Variants in SLC6A4 observed in about 807,000 individuals in gnomAD.
The protein encoded by SLC6A4 is solute carrier family 6 member 4, also known as sodium-dependent serotonin transporter.
SLC6A4 carries 22 observed loss-of-function variants against 73.4 expected under a neutral mutation model. The ratio of observed to expected loss-of-function variants is 0.30; its 90% CI spans 0.21 to 0.43. The LOEUF is 0.43. SLC6A4 is among the 20% of genes least tolerant of loss of function. SLC6A4 has a pLI of 1.00. For missense variants in SLC6A4, 593 were observed against 808.5 expected (o/e 0.73, Z 3.23); for synonymous variants, 270 against 315.5 (o/e 0.86, Z 1.53).
intron 14 of SLC6A4, 37 bp from the exon 15 acceptor site, chr17:30,198,567 G>A (rs199829838): frequency 8.0e-7 from 1 of 1,242,452 alleles, no homozygotes. Context: ...AAACATCCTT[G>A]TAATTTTTAA....
chr17:30,221,906 C>G lies in SLC6A4; in HGVS notation c.53G>C (p.Gly18Ala). 1 of 1,614,158 alleles carries G rather than the reference C, an allele frequency of 6.2e-7. No homozygotes were observed. The change falls in exon 3 of 15, where the codon GGA becomes GCA. Residue 18 changes from glycine to alanine, a missense_variant. Gly to Ala is a moderately conservative substitution (Grantham distance 60). Transcript: ENST00000650711. ...AACTCCGTTTTCCTGACAATCTTCTCCATCTTCACACGCTGATAGCTGCTT... is the reference window on the plus strand; with the variant it reads ...AACTCCGTTTTCCTGACAATCTTCTGCATCTTCACACGCTGATAGCTGCTT... Reference protein sequence around the residue: ...SQKQLSACEDGEDCQENGVLQ... With the variant: ...SQKQLSACEDAEDCQENGVLQ...
rs35886704 is a variant in SLC6A4, at chr17:30,216,331, G to A, written c.838-115C>T. 1.6e-3 allele frequency: 911 copies of A among 573,286 alleles called. 8 individuals carry two copies. The highest frequency in any genetic ancestry group is 0.016 in the African/African-American group (831 of 52,544). The allele number at this position is 573,286 out of a possible 1,614,324, so 35.5% of individuals were successfully genotyped here. A position where few individuals can be genotyped will look rare whatever the true frequency, so the allele number is the denominator to read the frequency against. ...AGGGGAGGGAGGTGGGTGAATGGAT[G>A]TCAGTGTCTTTTATTCTTGAAGACC... On this transcript the variant is annotated intron_variant, in intron 6 of 14. Coordinates refer to ENST00000650711, the MANE Select transcript of SLC6A4 (RefSeq NM_001045.6).
intron 14 of SLC6A4, 144 bp downstream of exon 14, chr17:30,203,028 T>C: frequency 3.2e-6 from 2 of 615,822 alleles, no homozygotes; most frequent in Admixed American, 5.8e-5. Context: ...TTAGAGGTCT[T>C]CGCCATGGCA....
At chr17:30,207,347 A>G (rs1906239336) in intron 13 of SLC6A4, among the ~76,000 whole-genome samples, 1 of 152,134 alleles carries the variant, frequency 6.6e-6, no homozygotes, top group South Asian at 2.1e-4. Context: ...TACACTTACG[A>G]GCTGTATATT....
chr17:30,222,717 G>C, intron 2 of SLC6A4, 102 bp downstream of exon 2: 1 of 1,057,504 alleles, frequency 9.5e-7, no homozygotes, highest in Non-Finnish European at 1.3e-6. Context: ...GGGCAGATTT[G>C]AGCTGCCTCC....
chr17:30,223,772 A>C (rs1261307539), intron 1 of SLC6A4, among the ~76,000 whole-genome samples: 7 of 152,068 alleles, frequency 4.6e-5, no homozygotes, highest in African/African-American at 1.7e-4. Flanking sequence ...ACCACTCAGA[A>C]GGATATGAAT....
chr17:30,228,079 A>T (rs574555365), intron 1 of SLC6A4, among the ~76,000 whole-genome samples: 1 of 152,332 alleles, frequency 6.6e-6, no homozygotes, highest in African/African-American at 2.4e-5. Flanking sequence ...CAGTGAATAT[A>T]AACAGCCAAG....
At position 30,203,208 on chromosome 17, in the gene SLC6A4, A is replaced by G. The variant is rs199601052; in HGVS notation, c.1782T>C (p.Ala594=). 66 of 1,613,920 alleles carry G rather than the reference A, an allele frequency of 4.1e-5. 1 individual carries two copies. The highest frequency in any genetic ancestry group is 5.5e-5 in the Non-Finnish European group (65 of 1,179,876). The change falls in exon 14 of 15, where the codon GCT becomes GCC. Residue 594 remains alanine (A), a synonymous_variant. Coordinates refer to ENST00000650711, the MANE Select transcript of SLC6A4 (RefSeq NM_001045.6). The part of the protein sequence containing the change: ...SSFICIPTYI[A]YRLIITPGTF... ...TCCCTGGAGTGATGATCAACCGATA[A>G]GCTATATATGTGGGGATGCAAATGA...
intron 3 of SLC6A4, among the ~76,000 whole-genome samples, chr17:30,220,518 G>A (rs1316908182): frequency 6.6e-6 from 1 of 152,224 alleles, no homozygotes; most frequent in African/African-American, 2.4e-5. Context: ...GAGGAGATAG[G>A]AGGGCCAGCC....
chr17:30,222,703 G>T (rs1400815192), intron 2 of SLC6A4, 116 bp downstream of exon 2: 17 of 888,940 alleles, frequency 1.9e-5, no homozygotes, highest in Non-Finnish European at 2.8e-5. Context: ...CCCTAGGAAG[G>T]TTGGGGCAGA....
At chr17:30,221,284 A>G (rs2143015437) in intron 3 of SLC6A4, among the ~76,000 whole-genome samples, 1 of 151,834 alleles carries the variant, frequency 6.6e-6, no homozygotes, top group East Asian at 1.9e-4. Flanking sequence ...GCGAGATTTG[A>G]CTTTTCTACC....
rs1907236388 is a variant in SLC6A4, at chr17:30,235,346, A to C, written c.-221+267T>G. Among the ~76,000 whole-genome samples, 1 of 152,198 alleles carries C rather than the reference A, an allele frequency of 6.6e-6. No individual in the cohort carries two copies. The highest frequency in any genetic ancestry group is 1.5e-5 in the Non-Finnish European group (1 of 68,022). ...CCTCAAGAGGTTGCAAAGCCCCTGC[A>C]ACAATAGACAAAGGAGCCCCCTACG... On this transcript the variant is annotated intron_variant, in intron 1 of 14. Coordinates refer to ENST00000650711, the MANE Select transcript of SLC6A4 (RefSeq NM_001045.6). This position sits in a 1 kb window ranked among gnomAD's most constrained non-coding sequence, Gnocchi z 4.5.
chr17:30,206,203 T>A (rs545875653), intron 13 of SLC6A4: 1 of 136,086 alleles, frequency 7.3e-6, no homozygotes, highest in South Asian at 2.2e-4. Context: ...GGAGGTGGAC[T>A]GAAGGAAGAA....
chr17:30,218,268 G>C lies in SLC6A4; in HGVS notation c.548C>G (p.Ala183Gly), dbSNP rs201387005. 1 of 1,614,096 alleles carries C rather than the reference G, an allele frequency of 6.2e-7. No homozygotes were observed. Among genetic ancestry groups the C allele is most frequent in the Non-Finnish European group, 8.5e-7 (1 of 1,180,032 alleles). The change falls in exon 5 of 15, where the codon GCG (alanine) becomes GGG (glycine). Residue 183 changes from alanine to glycine, a missense_variant. By Grantham distance (60) the Ala-to-Gly change is moderately conservative (BLOSUM62 0). Transcript: ENST00000650711. ...GAAGGAGGAGATGAGGTAGTATAGC[G>C]CCCAGGCCATGATGGTGTTGTAGTA... Reference protein sequence around the residue: ...ASYYNTIMAWALYYLISSFTD... With the variant: ...ASYYNTIMAWGLYYLISSFTD...
intron 4 of SLC6A4, 76 bp downstream of exon 4, chr17:30,218,720 TC>T: frequency 6.7e-7 from 1 of 1,503,006 alleles, no homozygotes; most frequent in Non-Finnish European, 9.2e-7. Flanking sequence ...CAGAAGAAGG[TC>T]CCCAGCTCCC....
At chr17:30,216,798 A>G (rs1906588048) in intron 6 of SLC6A4, among the ~76,000 whole-genome samples, 1 of 151,658 alleles carries the variant, frequency 6.6e-6, no homozygotes, top group African/African-American at 2.4e-5. Flanking sequence ...CCTCCCGAGT[A>G]GCTGGGATTA....
At chr17:30,231,326 T>TAC (rs1294433422) in intron 1 of SLC6A4, among the ~76,000 whole-genome samples, 2 of 151,266 alleles carry the variant, frequency 1.3e-5, no homozygotes, top group Non-Finnish European at 2.9e-5. Context: ...GATATATATA[T>TAC]ACACACTATA....
At chr17:30,214,438 A>AG (rs1555588552) in intron 8 of SLC6A4, among the ~76,000 whole-genome samples, 4 of 150,120 alleles carry the variant, frequency 2.7e-5, no homozygotes, top group African/African-American at 7.3e-5. Context: ...AAAAAAAAAA[A>AG]AAAGAAAAGA....
rs573066370 is a variant in SLC6A4, at chr17:30,215,521, C to A, written c.1076+90G>T. 6 of 1,063,130 alleles carry A rather than the reference C, an allele frequency of 5.6e-6. No homozygotes were observed. The South Asian group carries it at 6.4e-5, about 11-fold the overall frequency. 65.9% of individuals were successfully genotyped at this position (1,063,130 alleles called of 1,614,324 possible). On this transcript the variant is annotated intron_variant, in intron 8 of 14. Transcript: ENST00000650711. ...ATCAAGGCCTAAGCCTGGCCAGATT[C>A]GAGGCCGTCGGTCCAATCACCTTCC...
Sources: allele counts gnomAD v4.1 joint callset (sites outside exome capture counted in the v4.1 genomes callset), GRCh38; gene constraint gnomAD v4.1.1; non-coding constraint Gnocchi (gnomAD v3.1); transcripts MANE v1.5; gene names NCBI Gene and HGNC (gene_info 2026-07-23, HGNC 2026-07-21).